SLC12A1: variants seen among roughly 807,000 people sequenced by gnomAD.
SLC12A1 encodes the protein solute carrier family 12 member 1.
SLC12A1 carries 89 observed loss-of-function variants against 130.4 expected under a neutral mutation model. The ratio of observed to expected loss-of-function variants is 0.68; its 90% CI spans 0.58 to 0.81. The LOEUF (loss-of-function observed/expected upper bound fraction) is 0.81, where lower values mean the gene tolerates loss of function less well. Among genes scored for constraint, SLC12A1 ranks in the 40% least tolerant of loss-of-function variants. The probability of loss-of-function intolerance (pLI) is 0.00; values close to 1 mark genes in which losing one functional copy is unlikely to be tolerated. For missense variants in SLC12A1, 1,310 were observed against 1,336.4 expected, an observed-to-expected ratio of 0.98 and a Z score of 0.31; for synonymous variants, 499 against 460.0, an observed-to-expected ratio of 1.08 and a Z score of -1.09.
At chr15:48,299,360 A>G (rs2042208983) in intron 25 of SLC12A1, 85 bp downstream of exon 25, 2 of 1,157,386 alleles carry the variant, frequency 1.7e-6, no homozygotes, top group Non-Finnish European at 2.3e-6. Flanking sequence ...AAGAAGCAAT[A>G]TATTTATTAT....
At chr15:48,247,578 T>TATATATATATATATA in intron 13 of SLC12A1, 118 bp downstream of exon 13, 1 of 771,406 alleles carries the variant, frequency 1.3e-6, no homozygotes, top group Non-Finnish European at 2.0e-6. Context: ...TTTGGGAATA[T>TATATATATATATATA]TGGCATCTAA....
At chr15:48,208,251 T>G in intron 2 of SLC12A1, 112 bp downstream of exon 2, 1 of 1,027,154 alleles carries the variant, frequency 9.7e-7, no homozygotes, top group Non-Finnish European at 1.4e-6. Flanking sequence ...GAGAGGTCTA[T>G]TCCAAACACT....
rs547383991 is a variant in SLC12A1 at position 48,303,687 on chromosome 15, T to A, written c.*802T>A. 1 of 152,350 alleles carries A rather than the reference T, an allele frequency of 6.6e-6. No homozygotes were observed. The highest frequency in any genetic ancestry group is 2.1e-4 in the South Asian group (1 of 4,824). 9.4% of individuals were successfully genotyped at this position (152,350 alleles called of 1,614,324 possible). A position where few individuals can be genotyped will look rare whatever the true frequency, so the allele number is the denominator to read the frequency against. On this transcript the variant is annotated 3_prime_UTR_variant, in exon 27 of 27. Coordinates refer to ENST00000380993, the MANE Select transcript of SLC12A1 (RefSeq NM_000338.3). ...TATTTTGAAATTTCCATCACGGCAT[T>A]ACTTTGCATATTTTTTTCTAATTAA...
At chr15:48,270,430 A>G (rs1431691592) in intron 19 of SLC12A1, among the ~76,000 whole-genome samples, 1 of 151,878 alleles carries the variant, frequency 6.6e-6, no homozygotes, top group Non-Finnish European at 1.5e-5. Context: ...ATTTTTTCCC[A>G]TTCTACAAGT....
At position 48,207,925 on chromosome 15, in the gene SLC12A1, G is replaced by A. The variant is rs143141941; in HGVS notation, c.206G>A (p.Cys69Tyr). The change falls in exon 2 of 27, where the codon TGC (cysteine) becomes TAC (tyrosine). Residue 69 changes from cysteine (C) to tyrosine (Y), a missense_variant. Cys to Tyr is a radical substitution (Grantham distance 194). Coordinates refer to ENST00000380993, the MANE Select transcript of SLC12A1 (RefSeq NM_000338.3). ...AGCTTTAGGCCTGGGAATCAGGAGTGCTATGACAATTTCCTCCAAAGTGGA... is the reference window on the plus strand; with the variant it reads ...AGCTTTAGGCCTGGGAATCAGGAGTACTATGACAATTTCCTCCAAAGTGGA... ...RISFRPGNQE[C>Y]YDNFLQSGET... 3 of 1,613,994 alleles carry A rather than the reference G, an allele frequency of 1.9e-6. No homozygotes were observed. Among genetic ancestry groups the A allele is most frequent in the East Asian group, 2.2e-5 (1 of 44,876 alleles).
chr15:48,291,124 A>T (rs1361893309), intron 23 of SLC12A1, among the ~76,000 whole-genome samples: 1 of 151,904 alleles, frequency 6.6e-6, no homozygotes, highest in Non-Finnish European at 1.5e-5. Flanking sequence ...GAAACAAAGA[A>T]AATGGTAAAT....
intron 26 of SLC12A1, 104 bp downstream of exon 26, chr15:48,301,486 GT>G (rs1415718728): frequency 1.7e-6 from 1 of 580,952 alleles, no homozygotes. Flanking sequence ...ATTTTGTTTT[GT>G]TTTTGTGTTT....
At chr15:48,257,919 T>G (rs926806946) in intron 16 of SLC12A1, among the ~76,000 whole-genome samples, 1 of 152,176 alleles carries the variant, frequency 6.6e-6, no homozygotes, top group Admixed American at 6.5e-5. Flanking sequence ...TACTGCAAAT[T>G]TTTCCAACTT....
chr15:48,256,592 T>C (rs1199318988), intron 16 of SLC12A1, among the ~76,000 whole-genome samples: 6 of 152,128 alleles, frequency 3.9e-5, no homozygotes, highest in African/African-American at 1.2e-4. Context: ...CAAAGGCATG[T>C]CTTACATGGC....
intron 7 of SLC12A1, among the ~76,000 whole-genome samples, chr15:48,231,336 C>A (rs1398678657): frequency 6.6e-6 from 1 of 152,116 alleles, no homozygotes; most frequent in Non-Finnish European, 1.5e-5. Flanking sequence ...CAATAATAAG[C>A]AAGCAAATAA....
chr15:48,228,679 G>A, intron 5 of SLC12A1: 2 of 208,594 alleles, frequency 9.6e-6, no homozygotes, highest in Non-Finnish European at 1.0e-5. Flanking sequence ...ATTTTATGCA[G>A]CACATATATA....
At chr15:48,229,660 T>C (rs2041345513) in intron 6 of SLC12A1, among the ~76,000 whole-genome samples, 1 of 152,188 alleles carries the variant, frequency 6.6e-6, no homozygotes, top group Non-Finnish European at 1.5e-5. Flanking sequence ...ATATGCAACA[T>C]CAGATAAATA....
chr15:48,210,583 G>A (rs759796613), intron 2 of SLC12A1, among the ~76,000 whole-genome samples: 6 of 151,906 alleles, frequency 3.9e-5, no homozygotes, highest in Non-Finnish European at 8.8e-5. Context: ...GCCTGGGTGT[G>A]GTGGCTCATG....
intron 17 of SLC12A1, among the ~76,000 whole-genome samples, chr15:48,263,971 G>A (rs1432906133): frequency 1.3e-5 from 2 of 152,112 alleles, no homozygotes; most frequent in Non-Finnish European, 2.9e-5. Flanking sequence ...TTATAGGTAT[G>A]AGCCATTGCA....
intron 7 of SLC12A1, among the ~76,000 whole-genome samples, chr15:48,232,438 T>C (rs1221829325): frequency 6.6e-6 from 1 of 152,250 alleles, no homozygotes; most frequent in Non-Finnish European, 1.5e-5. Flanking sequence ...TTTACATTCC[T>C]GGGACAATGG....
intron 24 of SLC12A1, among the ~76,000 whole-genome samples, chr15:48,298,143 A>G (rs565198316): frequency 4.3e-4 from 65 of 152,306 alleles, no homozygotes; most frequent in African/African-American, 1.5e-3. Flanking sequence ...TGAACTCATT[A>G]CTTCATATTT....
At chr15:48,284,816 A>G (rs749910283) in intron 20 of SLC12A1, among the ~76,000 whole-genome samples, 3 of 152,064 alleles carry the variant, frequency 2.0e-5, no homozygotes, top group African/African-American at 7.2e-5. Context: ...TCGTTCATAG[A>G]GATGGAGTTT....
rs922145467 is a variant in SLC12A1, at chr15:48,263,231, A to C, written c.2154+3920A>C. Among the ~76,000 whole-genome samples, 7 of 152,194 alleles carry C rather than the reference A, an allele frequency of 4.6e-5. No individual in the cohort carries two copies. In the East Asian group the frequency reaches 1.2e-3, roughly 25 times the overall value. ...ACATTTAAGGATCAAAAGTTAATTG[A>C]ATTGAAAGTCGATTCCATTGACCTG... is the stretch of plus-strand genomic sequence containing the variant. On this transcript the variant is annotated intron_variant, in intron 17 of 26. Transcript: ENST00000380993.
chr15:48,289,409 ATATATATATATATATATATAAT>A lies in SLC12A1; in HGVS notation c.2873+894_2873+915del, dbSNP rs911204486. Among the ~76,000 whole-genome samples, 49 of 131,956 alleles carry A rather than the reference ATATATATATATATATATATAAT, an allele frequency of 3.7e-4. 1 individual carries two copies. The highest frequency in any genetic ancestry group is 1.7e-3 in the Admixed American group (23 of 13,244). The allele number at this position is 131,956 out of a possible 152,430, so 86.6% of individuals were successfully genotyped here. ...GTGAATGTGACATATATATATATAT[ATATATATATATATATATATAAT>A]GTATAACTATGTATAACTGTATAAT... On this transcript the variant is annotated intron_variant, in intron 23 of 26. Transcript: ENST00000380993.
Sources: allele counts gnomAD v4.1 joint callset (sites outside exome capture counted in the v4.1 genomes callset), GRCh38; gene constraint gnomAD v4.1.1; transcripts MANE v1.5; gene names NCBI Gene and HGNC (gene_info 2026-07-23, HGNC 2026-07-21).